SCAF8: variants seen among roughly 807,000 people sequenced by gnomAD.
The protein encoded by SCAF8 is SR-related and CTD-associated factor 8.
SCAF8 carries 23 observed loss-of-function variants against 140.5 expected under a neutral mutation model. The ratio of observed to expected loss-of-function variants is 0.16; its 90% CI spans 0.12 to 0.23. The LOEUF (loss-of-function observed/expected upper bound fraction) is 0.23, where lower values mean the gene tolerates loss of function less well. Among genes scored for constraint, SCAF8 ranks in the 10% least tolerant of loss-of-function variants. SCAF8 has a pLI of 1.00. For synonymous variants in SCAF8, 575 were observed against 528.9 expected (o/e 1.09, Z -1.20); for missense variants, 1,397 against 1,555.7 (o/e 0.90, Z 1.72).
At chr6:154,757,324 T>C (rs999804175) in intron 1 of SCAF8, among the ~76,000 whole-genome samples, 1 of 152,176 alleles carries the variant, frequency 6.6e-6, no homozygotes, top group Admixed American at 6.5e-5. Context: ...CCTATGAATA[T>C]TGGCATAGGA....
chr6:154,779,339 A>G (rs1651422198), intron 3 of SCAF8, among the ~76,000 whole-genome samples: 1 of 152,106 alleles, frequency 6.6e-6, no homozygotes. Context: ...GCCCAGCCAT[A>G]AAGTTTTAAT....
chr6:154,781,680 A>G (rs1222188474), intron 3 of SCAF8, among the ~76,000 whole-genome samples: 1 of 152,230 alleles, frequency 6.6e-6, no homozygotes, highest in East Asian at 1.9e-4. Context: ...ACCACAGTTT[A>G]ATCATTCACT....
At chr6:154,798,051 A>G (rs541014054) in intron 6 of SCAF8, among the ~76,000 whole-genome samples, 2 of 151,576 alleles carry the variant, frequency 1.3e-5, no homozygotes, top group South Asian at 4.2e-4. Context: ...ACCTTCAGCA[A>G]ACATTTACTT....
At chr6:154,796,389 C>CTCTCTCTCTCTGTCTGTCTGTCTG (rs376622207) in intron 6 of SCAF8, among the ~76,000 whole-genome samples, 3 of 140,968 alleles carry the variant, frequency 2.1e-5, no homozygotes, top group African/African-American at 8.3e-5. Flanking sequence ...CTCTCTCTCT[C>CTCTCTCTCTCTGTCTGTCTGTCTG]TCTGTCTCTC....
intron 11 of SCAF8, 37 bp downstream of exon 11, chr6:154,808,835 C>T (rs764067948): frequency 2.2e-6 from 3 of 1,354,730 alleles, no homozygotes; most frequent in East Asian, 2.3e-5. Context: ...CGTGTGTGAA[C>T]TTTAAAATGT....
At position 154,805,474 on chromosome 6, in the gene SCAF8, A is replaced by G; in HGVS notation, c.969A>G (p.Gln323=). The change falls in exon 9 of 20, where the codon CAA becomes CAG. Residue 323 remains glutamine, a synonymous_variant. Coordinates refer to ENST00000367178, the MANE Select transcript of SCAF8 (RefSeq NM_014892.5). ...TCAGACAGCAGCTCTTGGAGCAGCAACAGCCTCAAAAGGTTTATAACCCCA... is the reference window on the plus strand; with the variant it reads ...TCAGACAGCAGCTCTTGGAGCAGCAGCAGCCTCAAAAGGTTTATAACCCCA... ...EHLRQQLLEQ[Q]QPQKATPQDS... The G allele has an allele frequency of 6.3e-7, 1 of 1,598,386 alleles. No homozygotes were observed. The highest frequency in any genetic ancestry group is 8.6e-7 in the Non-Finnish European group (1 of 1,167,096).
chr6:154,744,718 T>C (rs1778654134), intron 1 of SCAF8, among the ~76,000 whole-genome samples: 1 of 152,228 alleles, frequency 6.6e-6, no homozygotes, highest in Non-Finnish European at 1.5e-5. Flanking sequence ...TTTACTGGTA[T>C]AATGTCCAAA....
chr6:154,820,395 G>A (rs1778384649), intron 15 of SCAF8, 62 bp downstream of exon 15: 14 of 1,399,112 alleles, frequency 1.0e-5, no homozygotes, highest in Non-Finnish European at 1.4e-5. Flanking sequence ...TGTAGCTGAA[G>A]TGAATTTGGG....
chr6:154,748,444 A>ACTGTTTGCAGATTATCCATCTTGTCT (rs1778759276), intron 1 of SCAF8, among the ~76,000 whole-genome samples: 1 of 152,200 alleles, frequency 6.6e-6, no homozygotes, highest in African/African-American at 2.4e-5. Flanking sequence ...AAGCTCAAGA[A>ACTGTTTGCAGATTATCCATCTTGTCT]CTGTTTGCAG....
intron 17 of SCAF8, among the ~76,000 whole-genome samples, chr6:154,826,404 T>C (rs1413993211): frequency 6.6e-6 from 1 of 152,188 alleles, no homozygotes; most frequent in Non-Finnish European, 1.5e-5. Context: ...AAATTAAATA[T>C]GTGTATCATG....
At chr6:154,781,065 C>T (rs1777069725) in intron 3 of SCAF8, among the ~76,000 whole-genome samples, 1 of 152,102 alleles carries the variant, frequency 6.6e-6, no homozygotes, top group Admixed American at 6.6e-5. Context: ...AATCACCATT[C>T]TGACTGGTGT....
intron 1 of SCAF8, among the ~76,000 whole-genome samples, chr6:154,737,555 T>C (rs1778456714): frequency 6.6e-6 from 1 of 151,990 alleles, no homozygotes; most frequent in Non-Finnish European, 1.5e-5. Flanking sequence ...CACGGTGGCA[T>C]GTGCCTGTAG....
In SCAF8 at chr6:154,795,045, T is replaced by G; in HGVS notation, c.512T>G (p.Val171Gly). The G allele has an allele frequency of 6.2e-7, 1 of 1,612,892 alleles. No individual in the cohort carries two copies. The highest frequency in any genetic ancestry group is 1.1e-5 in the South Asian group (1 of 90,872). ...ACACCTGTTACTCCGGCCAATGTGGTCCAAGGCTTACCTGATCCGTGGGTA... is the reference window on the plus strand; with the variant it reads ...ACACCTGTTACTCCGGCCAATGTGGGCCAAGGCTTACCTGATCCGTGGGTA... ...PVTPVTPANV[V>G]QGLPDPWVSQ... is the part of the protein sequence containing the mutation. The change falls in exon 6 of 20, where the codon GTC (valine) becomes GGC (glycine). Residue 171 changes from valine to glycine, a missense_variant. Coordinates refer to ENST00000367178, the MANE Select transcript of SCAF8 (RefSeq NM_014892.5).
intron 4 of SCAF8, among the ~76,000 whole-genome samples, chr6:154,789,222 C>G (rs1172132232): frequency 1.3e-5 from 2 of 152,024 alleles, no homozygotes; most frequent in Non-Finnish European, 2.9e-5. Context: ...GATTCTCCTG[C>G]CTCAGCCTCC....
rs772129173 is a variant in SCAF8, at chr6:154,736,261, A to G, written c.30+2331A>G. On this transcript the variant is annotated intron_variant, in intron 1 of 19. Coordinates refer to ENST00000367178, the MANE Select transcript of SCAF8 (RefSeq NM_014892.5). ...GGTCCTCCCCCTCAAAGGGCCATCC[A>G]AGACTTTTTTTTTTTTTTTTTTTTT... Among the ~76,000 whole-genome samples the G allele has an allele frequency of 1.0e-3, 142 of 138,644 alleles. 1 individual carries two copies. Among genetic ancestry groups the G allele is most frequent in the Middle Eastern group, 7.9e-3 (2 of 254 alleles). The allele number at this position is 138,644 out of a possible 152,430, so 91.0% of individuals were successfully genotyped here. A position where few individuals can be genotyped will look rare whatever the true frequency, so the allele number is the denominator to read the frequency against.
At chr6:154,743,189 A>G (rs1269997592) in intron 1 of SCAF8, among the ~76,000 whole-genome samples, 1 of 152,214 alleles carries the variant, frequency 6.6e-6, no homozygotes, top group African/African-American at 2.4e-5. Context: ...CTTAGAGTCC[A>G]GATTGCCTGT....
At chr6:154,814,835 GT>G (rs1243239093) in intron 12 of SCAF8, among the ~76,000 whole-genome samples, 1 of 152,176 alleles carries the variant, frequency 6.6e-6, no homozygotes, top group Non-Finnish European at 1.5e-5. Context: ...GCTTTCAACA[GT>G]TAAGTATCTT....
intron 1 of SCAF8, among the ~76,000 whole-genome samples, chr6:154,743,022 A>G (rs754249479): frequency 8.4e-4 from 128 of 151,898 alleles, no homozygotes; most frequent in Non-Finnish European, 1.2e-3. Flanking sequence ...CTTGGAGCCT[A>G]TGTTGTTGTG....
intron 1 of SCAF8, among the ~76,000 whole-genome samples, chr6:154,737,677 G>A (rs1247737639): frequency 6.6e-6 from 1 of 152,054 alleles, no homozygotes; most frequent in Non-Finnish European, 1.5e-5. Context: ...ACTCTGGCCC[G>A]GGCAACAGTG....
Sources: gnomAD v4.1 joint callset for allele counts (sites outside exome capture counted in the v4.1 genomes callset) on GRCh38, gnomAD v4.1.1 for gene constraint, MANE v1.5 for transcripts, NCBI Gene and HGNC (gene_info 2026-07-23, HGNC 2026-07-21) for gene names.